Variants in ZNF236 observed in about 807,000 individuals in gnomAD.
The protein encoded by ZNF236 is regulated by glucose.
In ZNF236, 50 loss-of-function variants were observed where a neutral mutation model predicts 191.2. That is an observed-to-expected ratio of 0.26 (90% CI 0.21 to 0.33). The LOEUF (loss-of-function observed/expected upper bound fraction) is 0.33, where lower values mean the gene tolerates loss of function less well. Among genes scored for constraint, ZNF236 ranks in the 10% least tolerant of loss-of-function variants. The pLI is 1.00. For missense variants in ZNF236, 1,754 were observed against 2,374.5 expected, an observed-to-expected ratio of 0.74 and a Z score of 5.43; for synonymous variants, 907 against 928.8, an observed-to-expected ratio of 0.98 and a Z score of 0.43.
chr18:76,852,919 T>A (rs927884294), intron 3 of ZNF236, among the ~76,000 whole-genome samples: 2 of 152,214 alleles, frequency 1.3e-5, no homozygotes, highest in Non-Finnish European at 2.9e-5. Flanking sequence ...TCTCTTGTGA[T>A]GTTAGGCAGA....
chr18:76,883,713 C>T (rs1976965693), intron 9 of ZNF236, among the ~76,000 whole-genome samples: 1 of 152,134 alleles, frequency 6.6e-6, no homozygotes, highest in Non-Finnish European at 1.5e-5. Flanking sequence ...CAGGCATGAG[C>T]TACCACACTT....
chr18:76,839,632 G>GT (rs1053866713), intron 1 of ZNF236, among the ~76,000 whole-genome samples: 1 of 152,056 alleles, frequency 6.6e-6, no homozygotes, highest in Admixed American at 6.5e-5. Flanking sequence ...TCCAAGTGCT[G>GT]TATTTATCAG....
In ZNF236 at chr18:76,881,425, G is replaced by A. The variant is rs779727820; in HGVS notation, c.1330G>A (p.Ala444Thr). ...VSNEQTDPTD[A>T]EQEKEQESPE... ...AAATGAGCAGACGGACCCCACAGACGCAGAGCAAGAAAAAGAACAGGAAAG... is the reference window on the plus strand; with the variant it reads ...AAATGAGCAGACGGACCCCACAGACACAGAGCAAGAAAAAGAACAGGAAAG... Residue 444 changes from alanine to threonine, a missense_variant, in exon 9 of 31, where the codon GCA becomes ACA. Transcript: ENST00000320610. 20 of 1,613,574 alleles carry A rather than the reference G, an allele frequency of 1.2e-5. No individual in the cohort carries two copies. Among genetic ancestry groups the A allele is most frequent in the South Asian group, 3.3e-5 (3 of 91,072 alleles).
chr18:76,879,088 A>G (rs1346097904), intron 7 of ZNF236, among the ~76,000 whole-genome samples: 3 of 152,172 alleles, frequency 2.0e-5, no homozygotes, highest in East Asian at 3.8e-4. Flanking sequence ...TTTAAATACA[A>G]TTTTTAACGT....
chr18:76,887,187 A>C (rs1299903492), intron 9 of ZNF236: 1 of 152,234 alleles, frequency 6.6e-6, no homozygotes, highest in Non-Finnish European at 1.5e-5. Flanking sequence ...AGCCTGGCCA[A>C]CATGGTGAAA....
intron 15 of ZNF236, 39 bp downstream of exon 15, chr18:76,910,208 A>T (rs369018174): frequency 5.9e-6 from 9 of 1,518,732 alleles, no homozygotes; most frequent in Non-Finnish European, 8.2e-6. Flanking sequence ...TAAGTGAGCT[A>T]TACTTCAGTT....
intron 3 of ZNF236, among the ~76,000 whole-genome samples, chr18:76,867,163 A>G (rs2658747): frequency 0.39 from 58,476 of 151,256 alleles, 11,397 homozygotes; most frequent in East Asian, 0.53. Context: ...GACAGGAGGC[A>G]TAGTGGGGAA....
chr18:76,847,505 A>G (rs183584257), intron 1 of ZNF236, among the ~76,000 whole-genome samples: 11 of 151,718 alleles, frequency 7.3e-5, no homozygotes, highest in Admixed American at 3.9e-4. Flanking sequence ...TCACTCTTTC[A>G]CCCAGGCTGG....
intron 4 of ZNF236, among the ~76,000 whole-genome samples, chr18:76,870,218 G>T (rs1202548282): frequency 6.6e-6 from 1 of 152,084 alleles, no homozygotes; most frequent in East Asian, 1.9e-4. Context: ...TTTTCATTTT[G>T]CCTCTTGTTG....
At chr18:76,849,392 CATT>C (rs2122504210) in intron 1 of ZNF236, 131 bp from the exon 2 acceptor site, 1 of 637,426 alleles carries the variant, frequency 1.6e-6, no homozygotes, top group Admixed American at 3.8e-5. Context: ...TTCAGTATAT[CATT>C]AATTTCGTCT....
chr18:76,904,607 A>G (rs1404750090), intron 12 of ZNF236, 86 bp downstream of exon 12: 6 of 1,254,876 alleles, frequency 4.8e-6, no homozygotes, highest in Non-Finnish European at 6.3e-6. Flanking sequence ...TTAGGATGGT[A>G]GCATTAGCTT....
At chr18:76,909,508 G>A (rs928290005) in intron 14 of ZNF236, among the ~76,000 whole-genome samples, 2 of 152,208 alleles carry the variant, frequency 1.3e-5, no homozygotes, top group Middle Eastern at 3.4e-3. Context: ...ACTGGTCTGC[G>A]GTGAGATGAG....
chr18:76,850,228 G>T (rs935988734), intron 2 of ZNF236, among the ~76,000 whole-genome samples: 1 of 152,170 alleles, frequency 6.6e-6, no homozygotes, highest in Non-Finnish European at 1.5e-5. Context: ...TTAAAAAAGT[G>T]ATTGTCAACT....
rs1975735111 is a variant in ZNF236, at chr18:76,847,684, T to A, written c.56-1842T>A. Among the ~76,000 whole-genome samples the A allele has an allele frequency of 2.0e-5, 3 of 152,266 alleles. No homozygotes were observed. The South Asian group carries it at 6.2e-4, about 32-fold the overall frequency. Reference sequence around the variant, plus strand: ...CAGGGTTTCACCGTGTTAGCCAGGATGGTCTTGATCTCCTGACTTCGTGTT... The same window carrying A: ...CAGGGTTTCACCGTGTTAGCCAGGAAGGTCTTGATCTCCTGACTTCGTGTT... On this transcript the variant is annotated intron_variant, in intron 1 of 30. Transcript: ENST00000320610.
chr18:76,831,390 C>G (rs1218876349), intron 1 of ZNF236, among the ~76,000 whole-genome samples: 1 of 152,174 alleles, frequency 6.6e-6, no homozygotes, highest in Non-Finnish European at 1.5e-5. Context: ...CATTTTGTTG[C>G]TGAATAATAT....
chr18:76,894,324 G>A (rs1038979082), intron 9 of ZNF236, among the ~76,000 whole-genome samples: 3 of 152,208 alleles, frequency 2.0e-5, no homozygotes, highest in East Asian at 1.9e-4. Context: ...ACGCACTCAC[G>A]CTGCTGCATT....
Position 76,925,635 on chromosome 18 carries a change from G to C in ZNF236, c.4027+81G>C. On this transcript the variant is annotated intron_variant, in intron 22 of 30. Transcript: ENST00000320610. This position sits in a 1 kb window ranked among gnomAD's most constrained non-coding sequence, Gnocchi z 5.7. The stretch of plus-strand genomic sequence containing the variant: ...GCTTCTGTCTGTTCCCACGACAGAA[G>C]AGATGTTGTTTACCGTAGCACCACG... 6.6e-7 allele frequency: 1 copy of C among 1,518,700 alleles called. No homozygotes were observed. The highest frequency in any genetic ancestry group is 8.8e-7 in the Non-Finnish European group (1 of 1,135,990). The allele number at this position is 1,518,700 out of a possible 1,614,324, so 94.1% of individuals were successfully genotyped here.
chr18:76,901,246 A>G (rs1977583679), intron 11 of ZNF236, among the ~76,000 whole-genome samples: 3 of 152,238 alleles, frequency 2.0e-5, no homozygotes, highest in Non-Finnish European at 4.4e-5. Context: ...ATAAAGAAAC[A>G]TGAGAAAACA....
intron 27 of ZNF236, 55 bp from the exon 28 acceptor site, chr18:76,955,930 A>T: frequency 6.4e-7 from 1 of 1,561,890 alleles, no homozygotes; most frequent in Non-Finnish European, 8.7e-7. Flanking sequence ...TCAGTTCACA[A>T]ACTGCACAAA....
Sources: allele counts gnomAD v4.1 joint callset (sites outside exome capture counted in the v4.1 genomes callset), GRCh38; gene constraint gnomAD v4.1.1; non-coding constraint Gnocchi (gnomAD v3.1); transcripts MANE v1.5; gene names NCBI Gene and HGNC (gene_info 2026-07-23, HGNC 2026-07-21).